FAM117B: variants seen among roughly 807,000 people sequenced by gnomAD.
FAM117B encodes the protein protein FAM117B.
FAM117B carries 22 observed loss-of-function variants against 52.8 expected under a neutral mutation model. The observed-to-expected ratio is 0.42, with a 90% confidence interval of 0.30 to 0.59. The LOEUF is 0.59. Among genes scored for constraint, FAM117B ranks in the 20% least tolerant of loss-of-function variants. The probability of loss-of-function intolerance (pLI) is 0.22; values close to 1 mark genes in which losing one functional copy is unlikely to be tolerated. For synonymous variants in FAM117B, 309 were observed against 324.1 expected, an observed-to-expected ratio of 0.95 and a Z score of 0.50; for missense variants, 678 against 802.6, an observed-to-expected ratio of 0.84 and a Z score of 1.88.
chr2:202,695,428 C>T (rs1172463960), intron 1 of FAM117B, among the ~76,000 whole-genome samples: 1 of 152,058 alleles, frequency 6.6e-6, no homozygotes, highest in African/African-American at 2.4e-5. Flanking sequence ...TGAATCATTC[C>T]TTTGTCCAAC....
intron 1 of FAM117B, among the ~76,000 whole-genome samples, chr2:202,643,220 C>G (rs1273687869): frequency 6.6e-6 from 1 of 152,134 alleles, no homozygotes; most frequent in African/African-American, 2.4e-5. Flanking sequence ...TGGAAAACTT[C>G]AGCTTGTTTA....
chr2:202,645,607 C>G (rs1481342690), intron 1 of FAM117B, among the ~76,000 whole-genome samples: 2 of 141,462 alleles, frequency 1.4e-5, no homozygotes, highest in Non-Finnish European at 3.1e-5. Context: ...TTATTTCTAT[C>G]AGATTTATTT....
intron 1 of FAM117B, among the ~76,000 whole-genome samples, chr2:202,642,066 C>G (rs1405146072): frequency 6.6e-6 from 1 of 150,834 alleles, no homozygotes; most frequent in East Asian, 1.9e-4. Flanking sequence ...CCTCAGCCTC[C>G]TGAGTAGCTG....
chr2:202,635,803 T>C lies in FAM117B; in HGVS notation c.601+15T>C. The C allele has an allele frequency of 7.0e-7, 1 of 1,425,918 alleles. No individual in the cohort carries two copies. Among genetic ancestry groups the C allele is most frequent in the Non-Finnish European group, 9.2e-7 (1 of 1,089,994 alleles). The allele number at this position is 1,425,918 out of a possible 1,614,324, so 88.3% of individuals were successfully genotyped here. A position where few individuals can be genotyped will look rare whatever the true frequency, so the allele number is the denominator to read the frequency against. ...TTGCAAAGCAGGTAAGTGCTGGGGGTCGCGCAGCAAGGGGGAGGCGGCTGC... is the reference window on the plus strand; with the variant it reads ...TTGCAAAGCAGGTAAGTGCTGGGGGCCGCGCAGCAAGGGGGAGGCGGCTGC... On this transcript the variant is annotated intron_variant, in intron 1 of 7. Coordinates refer to ENST00000392238, the MANE Select transcript of FAM117B (RefSeq NM_173511.4).
At chr2:202,675,801 A>G (rs895215410) in intron 1 of FAM117B, among the ~76,000 whole-genome samples, 1 of 151,692 alleles carries the variant, frequency 6.6e-6, no homozygotes, top group African/African-American at 2.4e-5. Flanking sequence ...CCTGGCCCAC[A>G]TGGTGAAATC....
In FAM117B at chr2:202,695,491, A is replaced by G. The variant is rs538168028; in HGVS notation, c.602-390A>G. Among the ~76,000 whole-genome samples the G allele has an allele frequency of 4.6e-5, 7 of 152,222 alleles. No individual in the cohort carries two copies. In the East Asian group the frequency reaches 7.7e-4, roughly 17 times the overall value. On this transcript the variant is annotated intron_variant, in intron 1 of 7. Transcript: ENST00000392238. ...TGCTAGTCACTTTGGAGCCCTCTCAATCGTTGGATTGACTGTCATGGTTTT... is the reference window on the plus strand; with the variant it reads ...TGCTAGTCACTTTGGAGCCCTCTCAGTCGTTGGATTGACTGTCATGGTTTT...
At chr2:202,702,788 C>T (rs976583812) in intron 2 of FAM117B, among the ~76,000 whole-genome samples, 5 of 152,094 alleles carry the variant, frequency 3.3e-5, no homozygotes, top group South Asian at 2.1e-4. Context: ...CTCCTGACCT[C>T]GTGATCCATC....
chr2:202,723,288 A>G (rs965081266), intron 2 of FAM117B, among the ~76,000 whole-genome samples: 2 of 152,234 alleles, frequency 1.3e-5, no homozygotes, highest in Admixed American at 6.5e-5. Flanking sequence ...ATAATTAGTA[A>G]TTGGTACGTT....
chr2:202,750,708 A>C (rs1391744517), intron 4 of FAM117B, among the ~76,000 whole-genome samples: 1 of 152,234 alleles, frequency 6.6e-6, no homozygotes, highest in African/African-American at 2.4e-5. Context: ...AATAAGACAT[A>C]GTTTCTCTCC....
At chr2:202,740,201 A>AAAAAAAAAAAT (rs1559113324) in intron 4 of FAM117B, among the ~76,000 whole-genome samples, 13 of 147,506 alleles carry the variant, frequency 8.8e-5, no homozygotes, top group African/African-American at 2.5e-4. Context: ...AAAAAAAAAA[A>AAAAAAAAAAAT]ATCCCCAAAT....
At position 202,766,061 on chromosome 2, in the gene FAM117B, A is replaced by AACACACACACACACAC. The variant is rs34556556; in HGVS notation, c.*328_*343dup. The stretch of plus-strand genomic sequence containing the variant: ...TTGTTTTCGAATTAGACTTCTTTAA[A>AACACACACACACACAC]ACACACACACACACACACACACACA... On this transcript the variant is annotated 3_prime_UTR_variant, in exon 8 of 8. Coordinates refer to ENST00000392238, the MANE Select transcript of FAM117B (RefSeq NM_173511.4). 311 of 203,076 alleles carry AACACACACACACACAC rather than the reference A, an allele frequency of 1.5e-3. 2 individuals are homozygous for AACACACACACACACAC. Among genetic ancestry groups the AACACACACACACACAC allele is most frequent in the East Asian group, 3.7e-3 (26 of 6,968 alleles). 12.6% of individuals were successfully genotyped at this position (203,076 alleles called of 1,614,324 possible).
chr2:202,648,574 T>C (rs1442133110), intron 1 of FAM117B, among the ~76,000 whole-genome samples: 5 of 140,794 alleles, frequency 3.6e-5, no homozygotes, highest in Admixed American at 1.6e-4. Flanking sequence ...TGTGTGTGTG[T>C]GCGTGTATGT....
At chr2:202,731,731 A>ATTTATTTTT (rs1238384629) in intron 4 of FAM117B, among the ~76,000 whole-genome samples, 2 of 151,250 alleles carry the variant, frequency 1.3e-5, no homozygotes, top group South Asian at 2.1e-4. Context: ...CACCCAGCCT[A>ATTTATTTTT]CTTTTTTTTG....
Position 202,635,830 on chromosome 2 carries a change from G to T in FAM117B, c.601+42G>T, listed in dbSNP as rs1003775884. On this transcript the variant is annotated intron_variant, in intron 1 of 7. Coordinates refer to ENST00000392238, the MANE Select transcript of FAM117B (RefSeq NM_173511.4). The stretch of plus-strand genomic sequence containing the variant: ...GCGCAGCAAGGGGGAGGCGGCTGCG[G>T]GAAGGGGTCCCGGGCGCGCGCTGCA... 1.6e-5 allele frequency: 22 copies of T among 1,388,326 alleles called. No individual in the cohort carries two copies. The African/African-American group carries it at 3.3e-4, about 21-fold the overall frequency. The allele number at this position is 1,388,326 out of a possible 1,614,324, so 86.0% of individuals were successfully genotyped here. A position where few individuals can be genotyped will look rare whatever the true frequency, so the allele number is the denominator to read the frequency against.
chr2:202,686,222 C>T (rs1302035085), intron 1 of FAM117B, among the ~76,000 whole-genome samples: 1 of 152,124 alleles, frequency 6.6e-6, no homozygotes, highest in African/African-American at 2.4e-5. Context: ...AACCATTGCT[C>T]ATCTACTAGA....
intron 4 of FAM117B, among the ~76,000 whole-genome samples, chr2:202,742,763 CA>C (rs1428804472): frequency 1.3e-5 from 2 of 152,130 alleles, no homozygotes; most frequent in Non-Finnish European, 2.9e-5. Context: ...ACCACAGACA[CA>C]AAGGGCTAAT....
intron 2 of FAM117B, among the ~76,000 whole-genome samples, chr2:202,716,331 ATGTAGCCAC>A (rs1248217031): frequency 6.6e-6 from 1 of 151,516 alleles, no homozygotes; most frequent in African/African-American, 2.4e-5. Context: ...GTTTTTATTC[ATGTAGCCAC>A]TGTGTGTTTT....
chr2:202,657,384 A>G (rs542904934), intron 1 of FAM117B, among the ~76,000 whole-genome samples: 16 of 152,136 alleles, frequency 1.1e-4, no homozygotes, highest in African/African-American at 3.1e-4. Context: ...CACCATGCCC[A>G]GTAGGTCTTG....
chr2:202,693,015 A>G (rs537616164), intron 1 of FAM117B, among the ~76,000 whole-genome samples: 2 of 152,344 alleles, frequency 1.3e-5, no homozygotes, highest in Admixed American at 6.5e-5. Context: ...ATTGCTAGCC[A>G]TACAAAAAAC....
Sources: gnomAD v4.1 joint callset for allele counts (sites outside exome capture counted in the v4.1 genomes callset) on GRCh38, gnomAD v4.1.1 for gene constraint, MANE v1.5 for transcripts, NCBI Gene and HGNC (gene_info 2026-07-23, HGNC 2026-07-21) for gene names.